Variants in MTG2 observed in about 807,000 individuals in gnomAD.
The protein encoded by MTG2 is mitochondrial ribosome-associated GTPase 2.
Under a neutral mutation model 28.6 loss-of-function variants are expected in MTG2, and 23 were observed. The ratio of observed to expected loss-of-function variants is 0.80; its 90% CI spans 0.58 to 1.14. MTG2 has a LOEUF of 1.14. MTG2 is among the 50% of genes most tolerant of loss of function. MTG2 has a pLI of 0.00. For missense variants in MTG2, 539 were observed against 552.0 expected, an observed-to-expected ratio of 0.98 and a Z score of 0.24; for synonymous variants, 260 against 251.8, an observed-to-expected ratio of 1.03 and a Z score of -0.31.
At chr20:62,190,985 G>A (rs962755103) in intron 1 of MTG2, among the ~76,000 whole-genome samples, 1 of 152,080 alleles carries the variant, frequency 6.6e-6, no homozygotes, top group East Asian at 1.9e-4. Flanking sequence ...CAGGCGGGGA[G>A]GTGGAGCTGA....
At chr20:62,200,088 C>G (rs1387454827) in intron 6 of MTG2, 2 of 152,218 alleles carry the variant, frequency 1.3e-5, no homozygotes, top group Non-Finnish European at 2.9e-5. Flanking sequence ...AGTTACAGTT[C>G]AGAAACCTGC....
Position 62,198,725 on chromosome 20 carries a change from C to A in MTG2, c.560C>A (p.Ala187Glu). 6.2e-7 allele frequency: 1 copy of A among 1,614,142 alleles called. No homozygotes were observed. Among genetic ancestry groups the A allele is most frequent in the Non-Finnish European group, 8.5e-7 (1 of 1,180,044 alleles). Reference sequence around the variant, plus strand: ...GAGTACATTGCCGCGCTGGGCGGGGCAGGAGGGAAAGGCAACCGCTTCTTC... The same window carrying A: ...GAGTACATTGCCGCGCTGGGCGGGGAAGGAGGGAAAGGCAACCGCTTCTTC... Reference protein sequence around the residue: ...GDEYIAALGGAGGKGNRFFLA... With the variant: ...GDEYIAALGGEGGKGNRFFLA... Residue 187 changes from alanine to glutamate, a missense_variant, in exon 5 of 7, where the codon GCA becomes GAA. Ala to Glu is a moderately radical substitution (Grantham distance 107). Transcript: ENST00000370823.
At chr20:62,186,517 C>CTT (rs573270385) in intron 1 of MTG2, among the ~76,000 whole-genome samples, 62 of 127,398 alleles carry the variant, frequency 4.9e-4, no homozygotes, top group South Asian at 1.4e-3. Context: ...TTCCCTGGGA[C>CTT]TTTTTTTTTT....
intron 1 of MTG2, among the ~76,000 whole-genome samples, chr20:62,186,990 A>G (rs1203143667): frequency 6.6e-6 from 1 of 152,186 alleles, no homozygotes; most frequent in African/African-American, 2.4e-5. Flanking sequence ...GTAACCATTC[A>G]GTATTTCTTC....
Position 62,183,063 on chromosome 20 carries a change from T to A in MTG2, c.-6+6T>A, listed in dbSNP as rs1185331290. The A allele has an allele frequency of 7.2e-6, 1 of 139,758 alleles. No individual in the cohort carries two copies. Among genetic ancestry groups the A allele is most frequent in the East Asian group, 1.9e-4 (1 of 5,162 alleles). The allele number at this position is 139,758 out of a possible 1,614,324, so 8.7% of individuals were successfully genotyped here. A position where few individuals can be genotyped will look rare whatever the true frequency, so the allele number is the denominator to read the frequency against. On this transcript the variant is annotated splice_donor_region_variant and intron_variant, in intron 1 of 6. Coordinates refer to ENST00000370823, the MANE Select transcript of MTG2 (RefSeq NM_015666.4). ...TGACGTGCTTTCCCGAGCCGGTGAG[T>A]GCGGGAGCGGGGAGCGGGGAGCGTG...
At position 62,200,817 on chromosome 20, in the gene MTG2, G is replaced by A. The variant is rs926391524; in HGVS notation, c.961G>A (p.Val321Ile). ...DLSQPEPWTQ[V>I]DDLKYELEMY... is the part of the protein sequence containing the mutation. ...TTCTCAGCCTGAGCCGTGGACTCAAGTTGACGATTTAAAATATGAACTGGA... is the reference window on the plus strand; with the variant it reads ...TTCTCAGCCTGAGCCGTGGACTCAAATTGACGATTTAAAATATGAACTGGA... The change falls in exon 7 of 7, where the codon GTT becomes ATT. Residue 321 changes from valine to isoleucine, a missense_variant. Val to Ile is a conservative substitution (Grantham distance 29, BLOSUM62 3). Coordinates refer to ENST00000370823, the MANE Select transcript of MTG2 (RefSeq NM_015666.4). 12 of 1,613,862 alleles carry A rather than the reference G, an allele frequency of 7.4e-6. No homozygotes were observed. The highest frequency in any genetic ancestry group is 1.3e-5 in the African/African-American group (1 of 74,942).
chr20:62,197,785 A>C, intron 3 of MTG2, 67 bp from the exon 4 acceptor site: 3 of 1,384,542 alleles, frequency 2.2e-6, no homozygotes, highest in Non-Finnish European at 3.1e-6. Flanking sequence ...AACTGGACCC[A>C]GACACATCAG....
rs560078782 is a variant in MTG2 at position 62,200,997 on chromosome 20, C to G, written c.1141C>G (p.Leu381Val). 6.2e-7 allele frequency: 1 copy of G among 1,613,658 alleles called. No individual in the cohort carries two copies. The highest frequency in any genetic ancestry group is 1.3e-5 in the African/African-American group (1 of 75,070). The change falls in exon 7 of 7, where the codon CTG becomes GTG. Residue 381 changes from leucine (L) to valine (V), a missense_variant. Coordinates refer to ENST00000370823, the MANE Select transcript of MTG2 (RefSeq NM_015666.4). Reference sequence around the variant, plus strand: ...GTTGACCGGCGAGAACCTGGAGCAGCTGCTGTTGCACCTGAAGGTGCTGTA... The same window carrying G: ...GTTGACCGGCGAGAACCTGGAGCAGGTGCTGTTGCACCTGAAGGTGCTGTA... ...SALTGENLEQ[L>V]LLHLKVLYDA...
chr20:62,199,107 T>C lies in MTG2; in HGVS notation c.688-12T>C, dbSNP rs1189367509. On this transcript the variant is annotated splice_polypyrimidine_tract_variant and intron_variant, in intron 5 of 6. Coordinates refer to ENST00000370823, the MANE Select transcript of MTG2 (RefSeq NM_015666.4). ...CCGCGGGCCGTGCCACCGTCTTCCC[T>C]CTTTCCCCCAGGTGGGATTCCCCAA... 3 of 1,613,544 alleles carry C rather than the reference T, an allele frequency of 1.9e-6. No individual in the cohort carries two copies. The highest frequency in any genetic ancestry group is 1.7e-6 in the Non-Finnish European group (2 of 1,179,728).
At chr20:62,187,651 C>A (rs766683517) in intron 1 of MTG2, among the ~76,000 whole-genome samples, 2 of 152,192 alleles carry the variant, frequency 1.3e-5, no homozygotes, top group African/African-American at 2.4e-5. Context: ...CATTCTCTTG[C>A]CCTCTGGCTG....
chr20:62,184,137 T>C (rs556055575), intron 1 of MTG2, among the ~76,000 whole-genome samples: 1 of 152,298 alleles, frequency 6.6e-6, no homozygotes, highest in Non-Finnish European at 1.5e-5. Flanking sequence ...GGCGGGCAGA[T>C]CACGAGGTCA....
intron 1 of MTG2, among the ~76,000 whole-genome samples, chr20:62,186,017 G>C (rs1479207324): frequency 2.6e-5 from 4 of 152,186 alleles, no homozygotes; most frequent in African/African-American, 9.6e-5. Flanking sequence ...CTCTGCGGTT[G>C]ATCTGCAGGT....
chr20:62,195,878 G>A lies in MTG2; in HGVS notation c.281G>A (p.Ser94Asn). ...NGGAGASCFH[S>N]EPRKEFGGPD... The stretch of plus-strand genomic sequence containing the variant: ...GGCGCTGGGGCAAGCTGCTTCCACA[G>A]TGAGCCCCGCAAGGAGTTTGGAGGC... The change falls in exon 3 of 7, where the codon AGT becomes AAT. Residue 94 changes from serine (S) to asparagine (N), a missense_variant. Coordinates refer to ENST00000370823, the MANE Select transcript of MTG2 (RefSeq NM_015666.4). The A allele has an allele frequency of 1.2e-6, 2 of 1,614,238 alleles. No individual in the cohort carries two copies. The highest frequency in any genetic ancestry group is 2.2e-5 in the South Asian group (2 of 91,088).
chr20:62,199,403 T>C, intron 6 of MTG2, 146 bp downstream of exon 6: 1 of 1,003,384 alleles, frequency 1.0e-6, no homozygotes, highest in Non-Finnish European at 1.4e-6. Context: ...CCCAGCACTT[T>C]GGGAGGCCGA....
intron 6 of MTG2, chr20:62,200,393 A>C: frequency 2.9e-6 from 1 of 340,028 alleles, no homozygotes. Flanking sequence ...TATTAGAAGC[A>C]GAAAGAGAAG....
chr20:62,195,174 C>T (rs1407235819), intron 2 of MTG2, among the ~76,000 whole-genome samples: 1 of 152,112 alleles, frequency 6.6e-6, no homozygotes, highest in Non-Finnish European at 1.5e-5. Flanking sequence ...CCAGCCTGGG[C>T]GACAGAGCGA....
intron 2 of MTG2, chr20:62,193,987 C>G (rs955921694): frequency 5.6e-6 from 1 of 179,346 alleles, no homozygotes; most frequent in African/African-American, 2.4e-5. Flanking sequence ...TGCCTGTTAT[C>G]CCAACACTTT....
intron 1 of MTG2, among the ~76,000 whole-genome samples, chr20:62,192,266 C>A (rs926238070): frequency 6.6e-6 from 1 of 152,170 alleles, no homozygotes; most frequent in Admixed American, 6.5e-5. Flanking sequence ...TGATGATTTG[C>A]GGTAGTGGCT....
intron 1 of MTG2, among the ~76,000 whole-genome samples, chr20:62,189,140 C>T (rs1184271468): frequency 6.6e-6 from 1 of 151,988 alleles, no homozygotes; most frequent in Non-Finnish European, 1.5e-5. Flanking sequence ...GACCCTGTCT[C>T]TGCAAAAAAA....
Sources: gnomAD v4.1 joint callset for allele counts (sites outside exome capture counted in the v4.1 genomes callset) on GRCh38, gnomAD v4.1.1 for gene constraint, MANE v1.5 for transcripts, NCBI Gene and HGNC (gene_info 2026-07-23, HGNC 2026-07-21) for gene names.